The following CHLSN variants were observed in gnomAD, a reference collection of about 807,000 sequenced individuals.
CHLSN encodes protein cholesin.
the CHLSN span, among the ~76,000 whole-genome samples, chr7:1,041,239 G>GAAGGGGACCTGGGCTCCGCGCTGCGGGC: frequency 1.4e-5 from 2 of 145,780 alleles, no homozygotes; most frequent in Non-Finnish European, 3.1e-5. Context: ...GCGCTGCGGG[G>GAAGGGGACCTGGGCTCCGCGCTGCGGGC]AAGGGGACCT....
chr7:985,689 C>T, the CHLSN span, among the ~76,000 whole-genome samples: 1 of 152,248 alleles, frequency 6.6e-6, no homozygotes, highest in East Asian at 1.9e-4. Context: ...ACGCCCTTTA[C>T]AGTGCCCCAA....
the CHLSN span, chr7:1,091,564 C>T: frequency 3.1e-6 from 2 of 643,942 alleles, no homozygotes; most frequent in Non-Finnish European, 2.8e-6. Context: ...AGTTAACAAA[C>T]CCAACCCAAA....
At chr7:1,000,021 C>T in the CHLSN span, among the ~76,000 whole-genome samples, 3 of 152,212 alleles carry the variant, frequency 2.0e-5, no homozygotes, top group African/African-American at 4.8e-5. Context: ...CACACACGCA[C>T]GTGTAGACAC....
chr7:1,133,186 A>G, the CHLSN span, among the ~76,000 whole-genome samples: 1 of 152,144 alleles, frequency 6.6e-6, no homozygotes, highest in South Asian at 2.1e-4. Context: ...CAGACGCCCA[A>G]GACTCCACAC....
At chr7:1,136,885 C>T in the CHLSN span, among the ~76,000 whole-genome samples, 3 of 152,034 alleles carry the variant, frequency 2.0e-5, no homozygotes, top group Non-Finnish European at 4.4e-5. Flanking sequence ...TTCTCACATA[C>T]TCGTCCAACC....
the CHLSN span, among the ~76,000 whole-genome samples, chr7:1,072,234 C>T: frequency 4.5e-3 from 693 of 152,358 alleles, 3 homozygotes; most frequent in Non-Finnish European, 6.4e-3. Flanking sequence ...GACCCGCCCA[C>T]GGTGCCTCTG....
the CHLSN span, among the ~76,000 whole-genome samples, chr7:1,101,662 G>A: frequency 1.4e-4 from 21 of 152,318 alleles, no homozygotes; most frequent in East Asian, 3.9e-4. Context: ...TCCCAGCACC[G>A]GGCCCTGCCC....
chr7:1,073,803 C>T, the CHLSN span, among the ~76,000 whole-genome samples: 1 of 99,744 alleles, frequency 1.0e-5, no homozygotes, highest in South Asian at 4.2e-4. Context: ...CGTCACGCTC[C>T]GTGACCCCCG....
At chr7:1,121,390 A>G in the CHLSN span, among the ~76,000 whole-genome samples, 4 of 152,214 alleles carry the variant, frequency 2.6e-5, no homozygotes, top group Non-Finnish European at 5.9e-5. Context: ...ATGACACACA[A>G]TCCCACTGCC....
chr7:1,084,232 G>A, the CHLSN span, among the ~76,000 whole-genome samples: 1 of 152,264 alleles, frequency 6.6e-6, no homozygotes, highest in South Asian at 2.1e-4. Flanking sequence ...CTCCAGGCCT[G>A]TGAGGATCGG....
At chr7:1,042,544 T>C in the CHLSN span, among the ~76,000 whole-genome samples, 1 of 152,186 alleles carries the variant, frequency 6.6e-6, no homozygotes, top group Admixed American at 6.5e-5. Context: ...GGTGGTTCCC[T>C]CTGACGATCT....
chr7:1,056,071 C>G, the CHLSN span: 1 of 153,588 alleles, frequency 6.5e-6, no homozygotes, highest in African/African-American at 2.4e-5. Flanking sequence ...CGGACGCCCC[C>G]CTCACCGGCC....
the CHLSN span, among the ~76,000 whole-genome samples, chr7:1,117,782 G>A: frequency 1.6e-4 from 25 of 152,026 alleles, no homozygotes; most frequent in African/African-American, 5.1e-4. Context: ...CGACGCCCAC[G>A]CAGCATGACA....
At chr7:1,005,456 G>A in the CHLSN span, among the ~76,000 whole-genome samples, 3 of 152,376 alleles carry the variant, frequency 2.0e-5, no homozygotes, top group East Asian at 1.9e-4. Context: ...GTGAGCTGAC[G>A]ACCCAATGCC....
chr7:1,108,664 T>C, the CHLSN span, among the ~76,000 whole-genome samples: 2 of 152,194 alleles, frequency 1.3e-5, no homozygotes, highest in Non-Finnish European at 2.9e-5. Flanking sequence ...CAAGTGGCTC[T>C]CGGCTAGGAG....
the CHLSN span, chr7:1,026,176 G>A: frequency 1.3e-5 from 2 of 152,320 alleles, no homozygotes; most frequent in Non-Finnish European, 2.9e-5. Context: ...CCACAGGTAG[G>A]GCTGGGCGGC....
chr7:1,079,072 G>A, the CHLSN span, among the ~76,000 whole-genome samples: 1 of 152,078 alleles, frequency 6.6e-6, no homozygotes, highest in Non-Finnish European at 1.5e-5. Context: ...GACTGCTGGT[G>A]AATGGCCGGC....
the CHLSN span, chr7:987,102 T>C: frequency 6.5e-7 from 1 of 1,536,144 alleles, no homozygotes; most frequent in South Asian, 1.2e-5. Context: ...CCCACGCCTC[T>C]GCAGGGGGAT....
chr7:1,012,419 AC>A, the CHLSN span, among the ~76,000 whole-genome samples: 2 of 152,116 alleles, frequency 1.3e-5, no homozygotes, highest in South Asian at 4.1e-4. Context: ...CAAGCCGGGG[AC>A]CCGCAGGCCC....
Sources: allele counts gnomAD v4.1 joint callset (sites outside exome capture counted in the v4.1 genomes callset), GRCh38; gene constraint gnomAD v4.1.1; transcripts MANE v1.5; gene names NCBI Gene and HGNC (gene_info 2026-07-23, HGNC 2026-07-21).